ADH1C: variants seen among roughly 807,000 people sequenced by gnomAD.
ADH1C encodes the protein alcohol dehydrogenase 1C (class I), gamma polypeptide, also known as alcohol dehydrogenase 1C.
Under a neutral mutation model 35.0 loss-of-function variants are expected in ADH1C, and 26 were observed. The ratio of observed to expected loss-of-function variants is 0.74; its 90% CI spans 0.54 to 1.03. The LOEUF (loss-of-function observed/expected upper bound fraction) is 1.03. ADH1C is among the 50% of genes least tolerant of loss of function. The pLI, the probability that ADH1C is intolerant of heterozygous loss-of-function variation, is 0.00. For missense variants in ADH1C, 413 were observed against 465.4 expected, an observed-to-expected ratio of 0.89 and a Z score of 1.04; for synonymous variants, 170 against 169.3, an observed-to-expected ratio of 1.00 and a Z score of -0.03.
chr4:99,348,372 C>A (rs183466757), intron 1 of ADH1C, among the ~76,000 whole-genome samples: 2 of 149,864 alleles, frequency 1.3e-5, no homozygotes, highest in Non-Finnish European at 3.0e-5. Flanking sequence ...TGAGAATATG[C>A]GGTGTTTGGT....
Position 99,347,045 on chromosome 4 carries a change from C to A in ADH1C, c.220G>T (p.Val74Leu), listed in dbSNP as rs753360532. Residue 74 changes from valine to leucine, a missense_variant, in exon 3 of 9, where the codon GTG becomes TTG. By Grantham distance (32) the Val-to-Leu change is conservative (BLOSUM62 1). Coordinates refer to ENST00000515683, the MANE Select transcript of ADH1C (RefSeq NM_000669.5). ...VILGHEAAGIVESVGEGVTTV... is the reference protein window; with the variant it reads ...VILGHEAAGILESVGEGVTTV... ...GTCACCCCTTCTCCAACACTTTCCA[C>A]GATGCCGGCTGCCTCATGGCCTAAA... 3 of 1,613,926 alleles carry A rather than the reference C, an allele frequency of 1.9e-6. No homozygotes were observed. The highest frequency in any genetic ancestry group is 1.1e-5 in the South Asian group (1 of 91,056).
intron 8 of ADH1C, among the ~76,000 whole-genome samples, chr4:99,338,444 TACAC>T (rs1553913927): frequency 1.7e-5 from 1 of 60,322 alleles, no homozygotes; most frequent in Non-Finnish European, 3.7e-5. Context: ...TATATATATA[TACAC>T]ACTCTTGAGG....
chr4:99,347,669 T>G, intron 2 of ADH1C, 76 bp downstream of exon 2: 2 of 1,353,938 alleles, frequency 1.5e-6, no homozygotes, highest in Non-Finnish European at 2.0e-6. Context: ...TCTAGTGGAT[T>G]TTGGATGTTT....
intron 8 of ADH1C, among the ~76,000 whole-genome samples, chr4:99,338,300 G>T (rs1403218058): frequency 6.8e-6 from 1 of 146,324 alleles, no homozygotes; most frequent in African/African-American, 2.5e-5. Context: ...TTCTGGTTTT[G>T]GTCATCTCTA....
chr4:99,349,376 C>A (rs1029787030), intron 1 of ADH1C, among the ~76,000 whole-genome samples: 2 of 152,092 alleles, frequency 1.3e-5, no homozygotes, highest in Non-Finnish European at 2.9e-5. Flanking sequence ...ACCATTTATT[C>A]TTTTGATTTT....
intron 1 of ADH1C, among the ~76,000 whole-genome samples, chr4:99,350,545 T>A (rs1734650236): frequency 6.6e-6 from 1 of 152,230 alleles, no homozygotes; most frequent in South Asian, 2.1e-4. Flanking sequence ...TTCAGCTTCA[T>A]CCAAGTGGCT....
chr4:99,347,177 A>G, intron 2 of ADH1C, 33 bp from the exon 3 acceptor site: 1 of 1,603,746 alleles, frequency 6.2e-7, no homozygotes, highest in East Asian at 2.2e-5. Context: ...TTAGATTCAG[A>G]AAAGATTATG....
chr4:99,350,305 G>T (rs1164650870), intron 1 of ADH1C, among the ~76,000 whole-genome samples: 1 of 152,052 alleles, frequency 6.6e-6, no homozygotes, highest in Non-Finnish European at 1.5e-5. Context: ...TTGGGGTGCA[G>T]GTTGTTTTTG....
At chr4:99,349,867 T>C (rs941571628) in intron 1 of ADH1C, among the ~76,000 whole-genome samples, 5 of 152,066 alleles carry the variant, frequency 3.3e-5, no homozygotes, top group Non-Finnish European at 5.9e-5. Context: ...CTGGAGAAAC[T>C]GTGTATTTGA....
At chr4:99,349,552 C>T (rs1734625898) in intron 1 of ADH1C, among the ~76,000 whole-genome samples, 1 of 152,140 alleles carries the variant, frequency 6.6e-6, no homozygotes, top group South Asian at 2.1e-4. Context: ...TCTGCTTAGG[C>T]CAAAAGGATC....
Position 99,339,520 on chromosome 4 carries a change from C to A in ADH1C, c.1103+57G>T, listed in dbSNP as rs2298754. The A allele has an allele frequency of 1.4e-5, 13 of 925,340 alleles. 1 individual carries two copies. Among genetic ancestry groups the A allele is most frequent in the African/African-American group, 1.2e-4 (7 of 59,272 alleles). The allele number at this position is 925,340 out of a possible 1,614,324, so 57.3% of individuals were successfully genotyped here. ...ATTCTCTGCTAGACAACGCCCCCCCCCCCCCCGCCGCTACTGTAGAATACA... is the reference window on the plus strand; with the variant it reads ...ATTCTCTGCTAGACAACGCCCCCCCACCCCCCGCCGCTACTGTAGAATACA... On this transcript the variant is annotated intron_variant, in intron 8 of 8. Transcript: ENST00000515683.
chr4:99,336,628 C>T lies in ADH1C; in HGVS notation c.*124G>A, dbSNP rs1401976033. ...CAATTTCCATTTCTTTGGAAAGCTC[C>T]CACGTGTAATTTATTTTTAACATCT... is the stretch of plus-strand genomic sequence containing the variant. On this transcript the variant is annotated 3_prime_UTR_variant, in exon 9 of 9. Coordinates refer to ENST00000515683, the MANE Select transcript of ADH1C (RefSeq NM_000669.5). The T allele has an allele frequency of 1.7e-6, 2 of 1,199,218 alleles. No individual in the cohort carries two copies. Among genetic ancestry groups the T allele is most frequent in the African/African-American group, 1.5e-5 (1 of 65,010 alleles). 74.3% of individuals were successfully genotyped at this position (1,199,218 alleles called of 1,614,324 possible).
chr4:99,352,598 T>G, intron 1 of ADH1C, 60 bp downstream of exon 1: 1 of 1,414,366 alleles, frequency 7.1e-7, no homozygotes, highest in Non-Finnish European at 9.9e-7. Context: ...TAATACTGTA[T>G]TCCTTTATTT....
intron 1 of ADH1C, among the ~76,000 whole-genome samples, chr4:99,350,772 C>T (rs1383011453): frequency 1.3e-5 from 2 of 152,186 alleles, no homozygotes; most frequent in African/African-American, 4.8e-5. Context: ...CTTACTACAT[C>T]TGAAATAATT....
chr4:99,349,461 G>A (rs548046651), intron 1 of ADH1C, among the ~76,000 whole-genome samples: 1 of 152,096 alleles, frequency 6.6e-6, no homozygotes, highest in Non-Finnish European at 1.5e-5. Context: ...ACAACTATTG[G>A]CTGGTACATG....
intron 7 of ADH1C, 42 bp downstream of exon 7, chr4:99,340,533 C>A: frequency 6.2e-7 from 1 of 1,608,216 alleles, no homozygotes; most frequent in Non-Finnish European, 8.5e-7. Context: ...GAGAGAAATT[C>A]TTAGGTTAAT....
intron 1 of ADH1C, among the ~76,000 whole-genome samples, chr4:99,348,770 A>G (rs1438431296): frequency 2.0e-5 from 3 of 151,966 alleles, no homozygotes; most frequent in Non-Finnish European, 4.4e-5. Context: ...CTATTTCTCC[A>G]CATCCTCTCC....
Position 99,340,657 on chromosome 4 carries a change from C to T in ADH1C, c.882G>A (p.Gly294=), listed in dbSNP as rs756947764. 1.2e-6 allele frequency: 2 copies of T among 1,613,296 alleles called. No homozygotes were observed. The highest frequency in any genetic ancestry group is 1.7e-6 in the Non-Finnish European group (2 of 1,180,020). The change falls in exon 7 of 9, where the codon GGG becomes GGA. Residue 294 remains glycine, a synonymous_variant. Coordinates refer to ENST00000515683, the MANE Select transcript of ADH1C (RefSeq NM_000669.5). ...AGAGGTTCTGGGAATCAGGAGGTAC[C>T]CCTACAATGACACTTGTGCCACATG... ...HEACGTSVIV[G]VPPDSQNLSI...
At position 99,344,844 on chromosome 4, in the gene ADH1C, A is replaced by G. The variant is rs548939369; in HGVS notation, c.567+18T>C. ...CAGTCTGCGTGTAACCGGTTTTATCATCCATTGTCATTTCTACCTTGGCAA... is the reference window on the plus strand; with the variant it reads ...CAGTCTGCGTGTAACCGGTTTTATCGTCCATTGTCATTTCTACCTTGGCAA... On this transcript the variant is annotated intron_variant, in intron 5 of 8. Transcript: ENST00000515683. 101 of 1,614,002 alleles carry G rather than the reference A, an allele frequency of 6.3e-5. 1 individual carries two copies. The highest frequency in any genetic ancestry group is 8.4e-5 in the Non-Finnish European group (99 of 1,179,940).
Sources: allele counts gnomAD v4.1 joint callset (sites outside exome capture counted in the v4.1 genomes callset), GRCh38; gene constraint gnomAD v4.1.1; transcripts MANE v1.5; gene names NCBI Gene and HGNC (gene_info 2026-07-23, HGNC 2026-07-21).